DMD: variants seen among roughly 807,000 people sequenced by gnomAD.
DMD encodes the protein mutant dystrophin.
A neutral mutation model predicts 330.1 loss-of-function variants in DMD; 63 were observed. That is an observed-to-expected ratio of 0.19 (90% CI 0.16 to 0.24). DMD has a LOEUF of 0.24. Among genes scored for constraint, DMD ranks in the 10% least tolerant of loss-of-function variants. The probability of loss-of-function intolerance (pLI) is 1.00; values close to 1 mark genes in which losing one functional copy is unlikely to be tolerated. For synonymous variants in DMD, 1,223 were observed against 959.8 expected (o/e 1.27, Z -5.07); for missense variants, 3,344 against 2,684.1 (o/e 1.25, Z -5.43).
chrX:32,335,393 C>CAT (rs1201612317), intron 41 of DMD, among the ~76,000 whole-genome samples: 3 of 103,560 alleles, frequency 2.9e-5, no homozygotes, highest in African/African-American at 1.0e-4. Flanking sequence ...ATATATAATA[C>CAT]ATATATATAA....
At chrX:31,290,401 CA>C (rs750521835) in intron 62 of DMD, among the ~76,000 whole-genome samples, 1 of 111,144 alleles carries the variant, frequency 9.0e-6, no homozygotes, top group South Asian at 3.8e-4. Flanking sequence ...ATGTGAATAA[CA>C]AATATAATTG....
intron 2 of DMD, among the ~76,000 whole-genome samples, chrX:32,864,465 G>A (rs1173310387): frequency 8.9e-6 from 1 of 112,344 alleles, no homozygotes; most frequent in Non-Finnish European, 1.9e-5. Flanking sequence ...TTTCTACAAA[G>A]ATAGTTTAAT....
chrX:32,878,820 C>T (rs759290676), intron 2 of DMD, among the ~76,000 whole-genome samples: 1 of 107,704 alleles, frequency 9.3e-6, no homozygotes, highest in South Asian at 4.2e-4. Context: ...CCAGCCTGAC[C>T]GAGATGGAGA....
chrX:32,104,590 C>A (rs766034893), intron 44 of DMD, among the ~76,000 whole-genome samples: 3 of 111,817 alleles, frequency 2.7e-5, no homozygotes, highest in Admixed American at 9.5e-5. Context: ...AACTTGTCTG[C>A]ACAGTGATCT....
At position 32,217,034 on chromosome X, in the gene DMD, C is replaced by T. The variant is rs142807436; in HGVS notation, c.6320G>A (p.Arg2107Gln). 2.0e-4 allele frequency: 239 copies of T among 1,207,488 alleles called. No homozygotes were observed. Among genetic ancestry groups the T allele is most frequent in the African/African-American group, 8.1e-4 (46 of 57,058 alleles). ...TATCTTTATATCATAATGAAAACGCCGCCATTTCTCAACAGATCTGTCAAA... is the reference window on the plus strand; with the variant it reads ...TATCTTTATATCATAATGAAAACGCTGCCATTTCTCAACAGATCTGTCAAA... ...GRFDRSVEKW[R>Q]RFHYDIKIFN... Residue 2107 changes from arginine (R) to glutamine (Q), a missense_variant, in exon 44 of 79, where the codon CGG becomes CAG. By Grantham distance (43) the Arg-to-Gln change is conservative. Coordinates refer to ENST00000357033, the MANE Select transcript of DMD (RefSeq NM_004006.3).
intron 7 of DMD, among the ~76,000 whole-genome samples, chrX:32,781,001 C>G (rs980517047): frequency 3.7e-5 from 4 of 108,101 alleles, no homozygotes; most frequent in Admixed American, 9.9e-5. Flanking sequence ...GCCTGTAGTC[C>G]CAGCTACTCG....
chrX:31,221,947 C>T (rs2046090739), intron 64 of DMD, among the ~76,000 whole-genome samples: 1 of 109,835 alleles, frequency 9.1e-6, no homozygotes, highest in South Asian at 3.9e-4. Flanking sequence ...AATCCCAGCA[C>T]TTTGGGAGGC....
intron 6 of DMD, among the ~76,000 whole-genome samples, chrX:32,813,748 G>A (rs1027720037): frequency 2.7e-5 from 3 of 111,227 alleles, no homozygotes; most frequent in African/African-American, 9.8e-5. Flanking sequence ...GAGAAGAGGC[G>A]AGAGTAAGAA....
chrX:31,299,438 T>C (rs929086742), intron 62 of DMD, among the ~76,000 whole-genome samples: 5 of 111,950 alleles, frequency 4.5e-5, no homozygotes, highest in African/African-American at 1.6e-4. Context: ...TAGGGTCAGA[T>C]ATTTCTGAGT....
intron 2 of DMD, among the ~76,000 whole-genome samples, chrX:32,861,475 A>T (rs1488707264): frequency 8.9e-6 from 1 of 111,904 alleles, no homozygotes; most frequent in African/African-American, 3.3e-5. Context: ...ATATGGCCAT[A>T]GCAGGACTTT....
At chrX:32,893,990 G>GT (rs1256568240) in intron 2 of DMD, among the ~76,000 whole-genome samples, 2 of 110,765 alleles carry the variant, frequency 1.8e-5, no homozygotes, top group Non-Finnish European at 3.8e-5. Context: ...GCCTCTGGAC[G>GT]TGACACATCA....
intron 2 of DMD, among the ~76,000 whole-genome samples, chrX:32,854,571 C>CA (rs1201969423): frequency 0.11 from 6,710 of 61,529 alleles, 391 homozygotes; most frequent in African/African-American, 0.28. Context: ...GCACTTGTAT[C>CA]AAAAAAAAAA....
At chrX:33,096,855 G>A (rs767017616) in intron 1 of DMD, among the ~76,000 whole-genome samples, 67 of 112,709 alleles carry the variant, frequency 5.9e-4, no homozygotes, top group African/African-American at 1.9e-3. Context: ...AACAAACCAC[G>A]TAACCACACA....
intron 56 of DMD, among the ~76,000 whole-genome samples, chrX:31,497,419 C>A (rs1364502408): frequency 8.9e-6 from 1 of 111,753 alleles, no homozygotes; most frequent in Non-Finnish European, 1.9e-5. Flanking sequence ...CATCTGGCGT[C>A]TGTTCCTTTC....
At chrX:33,252,925 C>T (rs1330423491) in intron 1 of DMD, among the ~76,000 whole-genome samples, 1 of 111,395 alleles carries the variant, frequency 9.0e-6, no homozygotes, top group African/African-American at 3.3e-5. Flanking sequence ...AGCAACAATG[C>T]TAAATTTTTT....
At chrX:31,253,156 A>G (rs1216157486) in intron 63 of DMD, among the ~76,000 whole-genome samples, 1 of 111,925 alleles carries the variant, frequency 8.9e-6, no homozygotes, top group African/African-American at 3.2e-5. Flanking sequence ...ATGAAAGATC[A>G]CTGGCCAACA....
intron 7 of DMD, among the ~76,000 whole-genome samples, chrX:32,786,403 AAGAGT>A (rs2075363357): frequency 9.0e-6 from 1 of 110,684 alleles, no homozygotes; most frequent in Non-Finnish European, 1.9e-5. Flanking sequence ...TTAACTGAGA[AAGAGT>A]AGAGGGGAAT....
At chrX:31,685,245 T>C (rs1287012992) in intron 52 of DMD, among the ~76,000 whole-genome samples, 1 of 111,920 alleles carries the variant, frequency 8.9e-6, no homozygotes, top group African/African-American at 3.2e-5. Context: ...TTCAATTTCT[T>C]TATATTATGA....
intron 74 of DMD, among the ~76,000 whole-genome samples, chrX:31,157,520 T>C (rs1346127222): frequency 8.9e-6 from 1 of 111,929 alleles, no homozygotes; most frequent in Admixed American, 9.5e-5. Flanking sequence ...ATACTGCCAT[T>C]GGGAAAAGTG....
Sources: allele counts gnomAD v4.1 joint callset (sites outside exome capture counted in the v4.1 genomes callset), GRCh38; gene constraint gnomAD v4.1.1; transcripts MANE v1.5; gene names NCBI Gene and HGNC (gene_info 2026-07-23, HGNC 2026-07-21).